Variants in CAPS2 observed in about 807,000 individuals in gnomAD.
The protein encoded by CAPS2 is calcyphosine 2.
CAPS2 carries 98 observed loss-of-function variants against 86.5 expected under a neutral mutation model. The observed-to-expected ratio is 1.13, with a 90% CI of 0.96 to 1.34. The LOEUF (loss-of-function observed/expected upper bound fraction) is 1.34, where lower values mean the gene tolerates loss of function less well. Among genes scored for constraint, CAPS2 ranks in the 40% most tolerant of loss-of-function variants. The pLI is 0.00. For missense variants in CAPS2, 729 were observed against 686.8 expected (o/e 1.06, Z -0.69); for synonymous variants, 210 against 225.1 (o/e 0.93, Z 0.60).
At position 75,321,399 on chromosome 12, in the gene CAPS2, C is replaced by A. The variant is rs768233742; in HGVS notation, c.468+1G>T. On this transcript the variant is annotated splice_donor_variant, in intron 5 of 16. Transcript: ENST00000393284. LOFTEE classifies it high-confidence loss of function. ...GAATTTTTTAAAGCCTCATACATTA[C>A]CTTTTCATCTATCTTGTTTCTTGGA... 29 of 1,525,960 alleles carry A rather than the reference C, an allele frequency of 1.9e-5. No individual in the cohort carries two copies. The highest frequency in any genetic ancestry group is 3.4e-4 in the Middle Eastern group (2 of 5,892). 94.5% of individuals were successfully genotyped at this position (1,525,960 alleles called of 1,614,324 possible). A position where few individuals can be genotyped will look rare whatever the true frequency, so the allele number is the denominator to read the frequency against.
At chr12:75,346,911 C>A (rs187682257) in intron 1 of CAPS2, among the ~76,000 whole-genome samples, 7 of 151,900 alleles carry the variant, frequency 4.6e-5, no homozygotes, top group Non-Finnish European at 8.8e-5. Flanking sequence ...ATGGAGTAAA[C>A]CAGTATTTTT....
At position 75,279,152 on chromosome 12, in the gene CAPS2, T is replaced by C. The variant is rs539834193; in HGVS notation, c.1613-87A>G. The C allele has an allele frequency of 8.6e-6, 10 of 1,164,468 alleles. No homozygotes were observed. In the South Asian group the frequency reaches 1.6e-4, roughly 19 times the overall value. The allele number at this position is 1,164,468 out of a possible 1,614,324, so 72.1% of individuals were successfully genotyped here. A position where few individuals can be genotyped will look rare whatever the true frequency, so the allele number is the denominator to read the frequency against. On this transcript the variant is annotated intron_variant, in intron 16 of 16. Transcript: ENST00000393284. ...GATAAAGGAATACTTAATCATCTTATGAAATACTTTCAACAATTTGAAATC... is the reference window on the plus strand; with the variant it reads ...GATAAAGGAATACTTAATCATCTTACGAAATACTTTCAACAATTTGAAATC...
At chr12:75,277,893 T>C (rs1415371734) in exon 17 of CAPS2, 1 of 836,038 alleles carries the variant, frequency 1.2e-6, no homozygotes, top group South Asian at 5.5e-5. Context: ...ATGATTATAA[T>C]ACATGTAACT....
At chr12:75,363,060 A>G (rs1452985769) in intron 1 of CAPS2, 3 of 1,053,504 alleles carry the variant, frequency 2.8e-6, no homozygotes, top group Non-Finnish European at 4.2e-6. Flanking sequence ...AATTGGAGAA[A>G]TTAACAGCCA....
chr12:75,313,066 T>A (rs560565655), intron 6 of CAPS2, among the ~76,000 whole-genome samples, 151 bp from the exon 7 acceptor site: 1 of 152,334 alleles, frequency 6.6e-6, no homozygotes, highest in East Asian at 1.9e-4. Context: ...ATAGATTACT[T>A]TCCATCATTA....
chr12:75,358,871 T>C (rs1432100670), intron 1 of CAPS2, among the ~76,000 whole-genome samples: 2 of 144,402 alleles, frequency 1.4e-5, no homozygotes, highest in Non-Finnish European at 3.0e-5. Context: ...TAAACATATA[T>C]AATATATAAT....
chr12:75,371,830 T>C (rs1394950204), intron 1 of CAPS2, among the ~76,000 whole-genome samples: 4 of 152,192 alleles, frequency 2.6e-5, no homozygotes, highest in Non-Finnish European at 1.5e-5. Context: ...CTTATGACAA[T>C]TACAGTCCTC....
chr12:75,281,643 C>T (rs924465885), intron 16 of CAPS2, among the ~76,000 whole-genome samples: 100 of 151,778 alleles, frequency 6.6e-4, no homozygotes, highest in Admixed American at 6.6e-3. Flanking sequence ...TATATATATG[C>T]TAAATGATAA....
At chr12:75,280,845 A>G (rs940215835) in intron 16 of CAPS2, among the ~76,000 whole-genome samples, 7 of 151,900 alleles carry the variant, frequency 4.6e-5, no homozygotes, top group Admixed American at 3.9e-4. Flanking sequence ...AAAGTAATAA[A>G]TTAACCATAT....
chr12:75,290,933 A>AC (rs1186682281), intron 13 of CAPS2, among the ~76,000 whole-genome samples: 4 of 97,162 alleles, frequency 4.1e-5, no homozygotes, highest in African/African-American at 1.3e-4. Context: ...CAAAAAAAAA[A>AC]ACAAAAAAAA....
upstream of CAPS2, chr12:75,334,584 G>A (rs2041574665): frequency 1.4e-6 from 2 of 1,444,692 alleles, no homozygotes; most frequent in Admixed American, 2.9e-5. Flanking sequence ...ACACTGACAA[G>A]TTGATCCAGC....
intron 16 of CAPS2, among the ~76,000 whole-genome samples, chr12:75,280,095 C>G (rs1218480218): frequency 6.6e-6 from 1 of 151,808 alleles, no homozygotes; most frequent in Non-Finnish European, 1.5e-5. Context: ...TGTTATATTT[C>G]TAAAACTATT....
intron 5 of CAPS2, among the ~76,000 whole-genome samples, chr12:75,317,217 C>T (rs1400412047): frequency 6.6e-6 from 1 of 152,064 alleles, no homozygotes; most frequent in Non-Finnish European, 1.5e-5. Flanking sequence ...TGCTGTATCG[C>T]TGGTGGCAGA....
chr12:75,305,185 G>A (rs1187948728), intron 7 of CAPS2, among the ~76,000 whole-genome samples: 1 of 152,112 alleles, frequency 6.6e-6, no homozygotes. Flanking sequence ...TGGGAGGTGT[G>A]TAGGAGAGAA....
At chr12:75,327,769 T>C (rs529134433), upstream of CAPS2, among the ~76,000 whole-genome samples, 1 of 150,714 alleles carries the variant, frequency 6.6e-6, no homozygotes, top group East Asian at 1.9e-4. Flanking sequence ...TAACATTCAA[T>C]AAACGGTAGC....
At chr12:75,384,188 C>T (rs1223775775) in intron 1 of CAPS2, among the ~76,000 whole-genome samples, 1 of 151,676 alleles carries the variant, frequency 6.6e-6, no homozygotes, top group Admixed American at 6.6e-5. Flanking sequence ...AAATTGAAAA[C>T]AAAATTAATA....
chr12:75,348,792 A>G (rs1001039303), intron 1 of CAPS2, among the ~76,000 whole-genome samples: 2 of 152,252 alleles, frequency 1.3e-5, no homozygotes, highest in African/African-American at 4.8e-5. Flanking sequence ...AACAAAAGCC[A>G]TAAAAAGCAA....
At chr12:75,353,514 A>T (rs746144559) in intron 1 of CAPS2, among the ~76,000 whole-genome samples, 36 of 152,204 alleles carry the variant, frequency 2.4e-4, no homozygotes, top group Non-Finnish European at 4.6e-4. Flanking sequence ...CAGCCTATCA[A>T]CCAAAAACAG....
rs921290223 is a variant in CAPS2 at position 75,369,551 on chromosome 12, C to T, written c.-395+21287G>A. 19 of 982,252 alleles carry T rather than the reference C, an allele frequency of 1.9e-5. No individual in the cohort carries two copies. In the South Asian group the frequency reaches 2.4e-4, roughly 12 times the overall value. 60.8% of individuals were successfully genotyped at this position (982,252 alleles called of 1,614,324 possible). Reference sequence around the variant, plus strand: ...GGAAAGTTTGATGTGGAAAAGACATCGAGAAATATTTGGAGTAAGGACCAT... The same window carrying T: ...GGAAAGTTTGATGTGGAAAAGACATTGAGAAATATTTGGAGTAAGGACCAT... On this transcript the variant is annotated intron_variant, in intron 1 of 5. Transcript: ENST00000551829.
Sources: gnomAD v4.1 joint callset for allele counts (sites outside exome capture counted in the v4.1 genomes callset) on GRCh38, gnomAD v4.1.1 for gene constraint, MANE v1.5 for transcripts, NCBI Gene and HGNC (gene_info 2026-07-23, HGNC 2026-07-21) for gene names.